The following LCP1 variants were observed in gnomAD, a reference collection of about 807,000 sequenced individuals.
LCP1 encodes the protein lymphocyte cytosolic protein 1.
In LCP1, 23 loss-of-function variants were observed where a neutral mutation model predicts 72.0. That is an observed-to-expected ratio of 0.32 (90% CI 0.23 to 0.45). The LOEUF is 0.45. Ranked by LOEUF, LCP1 falls within the 20% of genes least tolerant of loss-of-function variation. The probability of loss-of-function intolerance (pLI) is 1.00; values close to 1 mark genes in which losing one functional copy is unlikely to be tolerated. For missense variants in LCP1, 571 were observed against 748.3 expected, an observed-to-expected ratio of 0.76 and a Z score of 2.76; for synonymous variants, 245 against 275.4, an observed-to-expected ratio of 0.89 and a Z score of 1.09.
At chr13:46,139,512 G>A (rs1417623071) in intron 13 of LCP1, among the ~76,000 whole-genome samples, 2 of 152,214 alleles carry the variant, frequency 1.3e-5, no homozygotes, top group Non-Finnish European at 2.9e-5. Context: ...TTTCCAGACA[G>A]AATGTAATGT....
chr13:46,147,211 T>C, intron 9 of LCP1, 108 bp from the exon 10 acceptor site: 2 of 963,910 alleles, frequency 2.1e-6, no homozygotes, highest in South Asian at 1.8e-5. Context: ...TTAGTGTTTA[T>C]CTCAGGCAGA....
At chr13:46,151,385 C>G (rs145560458) in intron 7 of LCP1, among the ~76,000 whole-genome samples, 1 of 152,194 alleles carries the variant, frequency 6.6e-6, no homozygotes, top group African/African-American at 2.4e-5. Context: ...GCTACTGGCT[C>G]GGATGTTTTG....
At chr13:46,159,389 G>A in intron 2 of LCP1, 1 of 578,962 alleles carries the variant, frequency 1.7e-6, no homozygotes, top group East Asian at 2.9e-5. Context: ...AACTATGTAA[G>A]AGTAGAGTCC....
intron 14 of LCP1, among the ~76,000 whole-genome samples, chr13:46,133,413 G>T (rs374176660): frequency 2.5e-4 from 38 of 152,226 alleles, no homozygotes; most frequent in Middle Eastern, 3.4e-3. Flanking sequence ...ATCTCTGGAG[G>T]CCAGGAATTT....
At chr13:46,166,889 C>T (rs1364361345) in intron 1 of LCP1, among the ~76,000 whole-genome samples, 2 of 152,124 alleles carry the variant, frequency 1.3e-5, no homozygotes, top group Admixed American at 6.5e-5. Context: ...TCTATGGATA[C>T]AGATATGACT....
At chr13:46,162,273 C>T (rs796192787) in intron 1 of LCP1, among the ~76,000 whole-genome samples, 60 of 120,794 alleles carry the variant, frequency 5.0e-4, no homozygotes, top group African/African-American at 1.7e-3. Context: ...CTCCCTCCCC[C>T]TCCCCCTCCC....
chr13:46,134,159 C>T lies in LCP1; in HGVS notation c.1594G>A (p.Ala532Thr). The change falls in exon 14 of 16, where the codon GCA (alanine) becomes ACA (threonine). Residue 532 changes from alanine to threonine, a missense_variant. Ala to Thr is a moderately conservative substitution (Grantham distance 58). Coordinates refer to ENST00000323076, the MANE Select transcript of LCP1 (RefSeq NM_002298.5). ...VNWVNETLRE[A>T]KKSSSISSFK... ...CTAGAGATGGATGAACTTTTCTTTG[C>T]TTCCCTCAATGTTTCATTCACCCAG... 6.2e-7 allele frequency: 1 copy of T among 1,613,586 alleles called. No homozygotes were observed. Among genetic ancestry groups the T allele is most frequent in the Non-Finnish European group, 8.5e-7 (1 of 1,179,636 alleles).
At chr13:46,170,310 C>T (rs761887582) in intron 1 of LCP1, among the ~76,000 whole-genome samples, 14 of 152,240 alleles carry the variant, frequency 9.2e-5, no homozygotes, top group African/African-American at 1.9e-4. Context: ...GCTGCTGGCC[C>T]GAGGTAGTCT....
intron 7 of LCP1, 101 bp from the exon 8 acceptor site, chr13:46,151,179 C>A: frequency 8.8e-7 from 1 of 1,136,974 alleles, no homozygotes; most frequent in Non-Finnish European, 1.2e-6. Flanking sequence ...CTAAAGATAA[C>A]AACGTTACCT....
intron 11 of LCP1, among the ~76,000 whole-genome samples, chr13:46,144,226 G>C (rs1371934025): frequency 6.6e-6 from 1 of 152,174 alleles, no homozygotes; most frequent in Non-Finnish European, 1.5e-5. Flanking sequence ...TTTTGTTGAG[G>C]TATGATTTAT....
At chr13:46,147,139 G>A (rs1366150931) in intron 9 of LCP1, 36 bp from the exon 10 acceptor site, 28 of 1,507,362 alleles carry the variant, frequency 1.9e-5, no homozygotes, top group Non-Finnish European at 2.5e-5. Context: ...GCTGGGTCAA[G>A]GCTCTCCATG....
chr13:46,156,258 C>G (rs2045800470), intron 5 of LCP1, among the ~76,000 whole-genome samples, 180 bp downstream of exon 5: 1 of 152,148 alleles, frequency 6.6e-6, no homozygotes, highest in Non-Finnish European at 1.5e-5. Flanking sequence ...TTACATTTCT[C>G]ATTATAAATT....
intron 1 of LCP1, among the ~76,000 whole-genome samples, chr13:46,167,108 T>G (rs1004691975): frequency 1.3e-5 from 2 of 152,180 alleles, no homozygotes; most frequent in African/African-American, 4.8e-5. Flanking sequence ...TTCTTCTCTC[T>G]GCAGGCTCTG....
intron 5 of LCP1, among the ~76,000 whole-genome samples, chr13:46,155,438 G>A (rs926831792): frequency 8.5e-5 from 13 of 152,176 alleles, no homozygotes; most frequent in African/African-American, 2.9e-4. Context: ...ACCATGGGGT[G>A]CCTTGGGTGG....
intron 8 of LCP1, among the ~76,000 whole-genome samples, chr13:46,150,690 T>C (rs1332406791): frequency 1.3e-5 from 2 of 152,144 alleles, no homozygotes; most frequent in African/African-American, 2.4e-5. Context: ...CTCACCTTTG[T>C]CCCTCTACTT....
At chr13:46,131,529 A>C (rs145037474) in intron 14 of LCP1, among the ~76,000 whole-genome samples, 3 of 152,224 alleles carry the variant, frequency 2.0e-5, no homozygotes, top group Admixed American at 2.0e-4. Context: ...AAAATAAATT[A>C]TTCTTCCAAA....
chr13:46,169,948 G>A (rs191685840), intron 1 of LCP1, among the ~76,000 whole-genome samples: 9 of 152,308 alleles, frequency 5.9e-5, no homozygotes, highest in Admixed American at 2.0e-4. Flanking sequence ...CTGGAGGCTG[G>A]GGAGAATCAG....
chr13:46,180,461 A>G (rs1212655859), intron 1 of LCP1, among the ~76,000 whole-genome samples: 2 of 152,206 alleles, frequency 1.3e-5, no homozygotes, highest in African/African-American at 4.8e-5. Flanking sequence ...CAAATTACCA[A>G]TTGTTTCAAG....
chr13:46,179,125 T>C lies in LCP1; in HGVS notation c.-25+2986A>G, dbSNP rs559982409. 2.0e-5 allele frequency among the ~76,000 whole-genome samples: 3 copies of C among 152,294 alleles called. No homozygotes were observed. The South Asian group carries it at 6.2e-4, about 32-fold the overall frequency. ...TTTGGCCCAACCAATGTATTTATAC[T>C]AAAAAAATGAGATTGTAATTTTCCC... On this transcript the variant is annotated intron_variant, in intron 1 of 15. Transcript: ENST00000323076.
Sources: gnomAD v4.1 joint callset for allele counts (sites outside exome capture counted in the v4.1 genomes callset) on GRCh38, gnomAD v4.1.1 for gene constraint, MANE v1.5 for transcripts, NCBI Gene and HGNC (gene_info 2026-07-23, HGNC 2026-07-21) for gene names.